Variants in COL6A5 observed in about 807,000 individuals in gnomAD.
The protein encoded by COL6A5 is collagen alpha-5(VI) chain.
COL6A5 carries 48 observed loss-of-function variants against 65.6 expected under a neutral mutation model. The ratio of observed to expected loss-of-function variants is 0.73; its 90% CI spans 0.58 to 0.93. The LOEUF is 0.93. COL6A5 is among the 40% of genes least tolerant of loss of function. COL6A5 has a pLI of 0.00. For missense variants in COL6A5, 914 were observed against 928.3 expected, an observed-to-expected ratio of 0.98 and a Z score of 0.20; for synonymous variants, 291 against 322.8, an observed-to-expected ratio of 0.90 and a Z score of 1.05.
chr3:130,430,148 G>T (rs1937741829), upstream of COL6A5, among the ~76,000 whole-genome samples: 1 of 152,220 alleles, frequency 6.6e-6, no homozygotes, highest in Non-Finnish European at 1.5e-5. Context: ...CTAGAGGCCT[G>T]CTGATGTAGA....
At chr3:130,463,978 G>T (rs1287850303) in intron 5 of COL6A5, among the ~76,000 whole-genome samples, 1 of 151,898 alleles carries the variant, frequency 6.6e-6, no homozygotes, top group African/African-American at 2.4e-5. Context: ...TAGTTCTGAG[G>T]GGTATTTTAG....
Position 130,431,832 on chromosome 3 carries a change from CA to C in COL6A5, c.372del (p.Asn125MetfsTer48). 1 of 1,551,560 alleles carries C rather than the reference CA, an allele frequency of 6.4e-7. No homozygotes were observed. Among genetic ancestry groups the C allele is most frequent in the Non-Finnish European group, 8.7e-7 (1 of 1,146,934 alleles). ...TGAGGAGAGTTGCTGTGTTTTTTAG[CA>C]ATGGTCAAACAGCCAGTAGGTCATC... On this transcript the variant is annotated frameshift_variant, in exon 1 of 8. Transcript: ENST00000512836. LOFTEE classifies it high-confidence loss of function.
At chr3:130,361,698 G>A (rs1935112600) in intron 1 of COL6A5, among the ~76,000 whole-genome samples, 1 of 152,104 alleles carries the variant, frequency 6.6e-6, no homozygotes, top group South Asian at 2.1e-4. Context: ...CCTGTCAGCA[G>A]TAAATGAGAG....
At chr3:130,345,973 G>A in exon 1 of COL6A5, 1 of 398,682 alleles carries the variant, frequency 2.5e-6, no homozygotes, top group Non-Finnish European at 4.4e-6. Flanking sequence ...CTGACCCCGG[G>A]AAAGCTGGGT....
chr3:130,414,888 C>G (rs146087740), intron 22 of COL6A5, among the ~76,000 whole-genome samples: 3 of 152,088 alleles, frequency 2.0e-5, no homozygotes, highest in Non-Finnish European at 2.9e-5. Context: ...TTGAGTGGTT[C>G]TGGGGTCCCT....
chr3:130,468,991 C>A (rs1244463113), exon 6 of COL6A5: 4 of 1,612,752 alleles, frequency 2.5e-6, no homozygotes. Context: ...CTCCACTGAC[C>A]TCCACCTTAG....
At chr3:130,402,467 CACA>C (rs1196960029) in intron 12 of COL6A5, among the ~76,000 whole-genome samples, 1 of 152,126 alleles carries the variant, frequency 6.6e-6, no homozygotes, top group Admixed American at 6.5e-5. Context: ...TACAGCTACA[CACA>C]ACAACATGAA....
At chr3:130,458,385 A>G (rs1373172875) in intron 5 of COL6A5, among the ~76,000 whole-genome samples, 1 of 152,104 alleles carries the variant, frequency 6.6e-6, no homozygotes, top group Non-Finnish European at 1.5e-5. Context: ...CTTGAGATCA[A>G]CTATGTCAGT....
chr3:130,358,671 A>G (rs1471293464), intron 1 of COL6A5, among the ~76,000 whole-genome samples: 1 of 152,192 alleles, frequency 6.6e-6, no homozygotes, highest in African/African-American at 2.4e-5. Flanking sequence ...CAGGATTCCA[A>G]AACTTCAAAA....
chr3:130,478,090 T>C (rs1052561692), intron 7 of COL6A5, among the ~76,000 whole-genome samples: 1 of 152,126 alleles, frequency 6.6e-6, no homozygotes, highest in African/African-American at 2.4e-5. Context: ...ACATTGCCTC[T>C]CTGAGCTTCC....
At chr3:130,450,216 G>C (rs1349998778) in intron 4 of COL6A5, among the ~76,000 whole-genome samples, 1 of 152,052 alleles carries the variant, frequency 6.6e-6, no homozygotes, top group Non-Finnish European at 1.5e-5. Flanking sequence ...TTTGATGTTG[G>C]GGCCTGGGAC....
At chr3:130,468,510 A>G (rs1465630298) in intron 5 of COL6A5, among the ~76,000 whole-genome samples, 1 of 152,098 alleles carries the variant, frequency 6.6e-6, no homozygotes, top group Non-Finnish European at 1.5e-5. Flanking sequence ...GCATATTAAA[A>G]TAGCTGGAGG....
chr3:130,426,482 A>G, upstream of COL6A5: 1 of 1,394,756 alleles, frequency 7.2e-7, no homozygotes, highest in East Asian at 2.5e-5. Flanking sequence ...TGGGTATGTG[A>G]GATCAGTAGG....
At chr3:130,405,157 A>T (rs1936944262) in intron 13 of COL6A5, among the ~76,000 whole-genome samples, 1 of 152,068 alleles carries the variant, frequency 6.6e-6, no homozygotes, top group Admixed American at 6.5e-5. Flanking sequence ...TAGTAGTGTC[A>T]CTTCCCAGCA....
intron 5 of COL6A5, among the ~76,000 whole-genome samples, chr3:130,462,091 A>T (rs1432871635): frequency 6.6e-6 from 1 of 152,102 alleles, no homozygotes; most frequent in Non-Finnish European, 1.5e-5. Flanking sequence ...AGGGAAGAGG[A>T]CTTCAAACAG....
At chr3:130,362,326 A>ATTTTT (rs374784717) in intron 1 of COL6A5, among the ~76,000 whole-genome samples, 2 of 4,668 alleles carry the variant, frequency 4.3e-4, no homozygotes, top group African/African-American at 9.5e-4. Context: ...ATATATATAT[A>ATTTTT]TTTTTTTTTT....
upstream of COL6A5, chr3:130,429,541 G>A: frequency 6.5e-7 from 1 of 1,539,214 alleles, no homozygotes; most frequent in Non-Finnish European, 8.8e-7. Flanking sequence ...TTTCAAGAAG[G>A]TAACAAACTT....
At chr3:130,481,736 A>G (rs1297687729) in intron 7 of COL6A5, among the ~76,000 whole-genome samples, 2 of 152,076 alleles carry the variant, frequency 1.3e-5, no homozygotes, top group African/African-American at 2.4e-5. Flanking sequence ...ATGATCACCA[A>G]TCTAACTGGC....
intron 4 of COL6A5, among the ~76,000 whole-genome samples, chr3:130,449,830 G>A (rs957146323): frequency 6.6e-6 from 1 of 152,084 alleles, no homozygotes; most frequent in Non-Finnish European, 1.5e-5. Flanking sequence ...TGGCAGACAC[G>A]ATTAATTTAA....
Sources: gnomAD v4.1 joint callset for allele counts (sites outside exome capture counted in the v4.1 genomes callset) on GRCh38, gnomAD v4.1.1 for gene constraint, MANE v1.5 for transcripts, NCBI Gene and HGNC (gene_info 2026-07-23, HGNC 2026-07-21) for gene names.